Variants in TRPM3 observed in about 807,000 individuals in gnomAD.
The protein encoded by TRPM3 is transient receptor potential cation channel subfamily M member 3.
TRPM3 carries 77 observed loss-of-function variants against 181.2 expected under a neutral mutation model. The ratio of observed to expected loss-of-function variants is 0.42; its 90% CI spans 0.35 to 0.51. The LOEUF is 0.51. TRPM3 is among the 20% of genes least tolerant of loss of function. The pLI is 0.01. For missense variants in TRPM3, 1,759 were observed against 2,196.7 expected (o/e 0.80, Z 3.98); for synonymous variants, 745 against 796.4 (o/e 0.94, Z 1.09).
chr9:71,344,551 A>C (rs1481713351), intron 1 of TRPM3, among the ~76,000 whole-genome samples: 2 of 152,202 alleles, frequency 1.3e-5, no homozygotes, highest in Non-Finnish European at 2.9e-5. Flanking sequence ...ACCTAAAAAT[A>C]TCTCTCACAA....
In TRPM3 at chr9:70,625,065, T is replaced by G; in HGVS notation, c.1809+126A>C. On this transcript the variant is annotated intron_variant, in intron 14 of 25. Coordinates refer to ENST00000677713, the MANE Select transcript of TRPM3 (RefSeq NM_001366145.2). This position sits in a 1 kb window ranked among gnomAD's most constrained non-coding sequence, Gnocchi z 4.8. The stretch of plus-strand genomic sequence containing the variant: ...TTTGAATTTCATTACTTTTCTTTGA[T>G]TGTTTAGGTTCACTCTCAGCGCAAT... 3.0e-6 allele frequency: 3 copies of G among 989,044 alleles called. No homozygotes were observed. The highest frequency in any genetic ancestry group is 4.3e-6 in the Non-Finnish European group (3 of 705,166). The allele number at this position is 989,044 out of a possible 1,614,324, so 61.3% of individuals were successfully genotyped here.
At chr9:70,559,778 GC>G in intron 22 of TRPM3, among the ~76,000 whole-genome samples, 1 of 152,106 alleles carries the variant, frequency 6.6e-6, no homozygotes, top group Non-Finnish European at 1.5e-5. Context: ...AGCCCACATG[GC>G]CTGGCCAGTA....
chr9:71,128,375 A>C (rs1338806917), intron 1 of TRPM3, among the ~76,000 whole-genome samples: 1 of 152,214 alleles, frequency 6.6e-6, no homozygotes, highest in Non-Finnish European at 1.5e-5. Flanking sequence ...GCTAAAATAC[A>C]ACTTTATTCA....
intron 9 of TRPM3, among the ~76,000 whole-genome samples, chr9:70,669,872 G>T (rs1404304041): frequency 6.6e-6 from 1 of 151,846 alleles, no homozygotes; most frequent in Non-Finnish European, 1.5e-5. Context: ...GAGTAGCTGG[G>T]ACTACAGGTA....
At chr9:71,164,094 G>A (rs1173088119) in intron 1 of TRPM3, among the ~76,000 whole-genome samples, 1 of 152,090 alleles carries the variant, frequency 6.6e-6, no homozygotes, top group East Asian at 1.9e-4. Context: ...CATCCAAGGG[G>A]AGCTGTACAA....
chr9:70,770,947 A>G (rs747528887), intron 7 of TRPM3, among the ~76,000 whole-genome samples: 87 of 152,122 alleles, frequency 5.7e-4, no homozygotes, highest in Non-Finnish European at 3.1e-4. Context: ...TAATTCTATG[A>G]AATTCGGATG....
intron 1 of TRPM3, among the ~76,000 whole-genome samples, chr9:71,332,862 T>C (rs1371120759): frequency 1.3e-5 from 2 of 151,726 alleles, no homozygotes; most frequent in African/African-American, 4.9e-5. Context: ...GTGTGACAAC[T>C]TTTATGTAAT....
At chr9:71,171,215 C>T (rs2076836329) in intron 1 of TRPM3, among the ~76,000 whole-genome samples, 1 of 152,156 alleles carries the variant, frequency 6.6e-6, no homozygotes, top group South Asian at 2.1e-4. Flanking sequence ...GTGCCTGAAA[C>T]TTCATTAGCA....
In TRPM3 at chr9:71,416,238, T is replaced by C. The variant is rs574567066; in HGVS notation, c.183+30415A>G. Among the ~76,000 whole-genome samples the C allele has an allele frequency of 9.8e-4, 149 of 151,978 alleles. 2 individuals carry two copies. The highest frequency in any genetic ancestry group is 6.0e-3 in the South Asian group (29 of 4,834). On this transcript the variant is annotated intron_variant, in intron 1 of 24. Transcript: ENST00000357533. The stretch of plus-strand genomic sequence containing the variant: ...AGGTACTTAAGAGAACAGAGAAAAG[T>C]TAATCAATACGTTAGTATGTTTTTC...
intron 14 of TRPM3, among the ~76,000 whole-genome samples, chr9:70,621,921 C>A (rs1045159216): frequency 1.3e-5 from 2 of 152,148 alleles, no homozygotes; most frequent in East Asian, 3.8e-4. Flanking sequence ...CCTTCCATAA[C>A]CATCTTGTTT....
chr9:70,985,463 G>C (rs1295163129), intron 1 of TRPM3, among the ~76,000 whole-genome samples: 1 of 152,186 alleles, frequency 6.6e-6, no homozygotes, highest in Admixed American at 6.5e-5. Context: ...CCAGCCCTGG[G>C]TATGTATATT....
intron 1 of TRPM3, among the ~76,000 whole-genome samples, chr9:71,319,278 C>G (rs1366006749): frequency 6.6e-6 from 1 of 152,022 alleles, no homozygotes; most frequent in Non-Finnish European, 1.5e-5. Flanking sequence ...TCGTGTGGGA[C>G]TAAGAAGTTC....
intron 1 of TRPM3, among the ~76,000 whole-genome samples, chr9:71,391,503 T>G (rs976595307): frequency 6.6e-6 from 1 of 152,058 alleles, no homozygotes; most frequent in African/African-American, 2.4e-5. Context: ...ATTCTTCATA[T>G]GCCCAGATTA....
intron 1 of TRPM3, among the ~76,000 whole-genome samples, chr9:71,119,156 G>C (rs985688900): frequency 6.6e-6 from 1 of 152,074 alleles, no homozygotes. Flanking sequence ...TTAAGAGTTT[G>C]AAATGTGCTC....
chr9:71,358,578 T>C (rs1302747142), intron 1 of TRPM3, among the ~76,000 whole-genome samples: 1 of 152,150 alleles, frequency 6.6e-6, no homozygotes, highest in African/African-American at 2.4e-5. Context: ...CCTAAATGCC[T>C]ATCTATCAGC....
intron 1 of TRPM3, among the ~76,000 whole-genome samples, chr9:71,056,718 C>G (rs1238235616): frequency 6.6e-6 from 1 of 152,008 alleles, no homozygotes; most frequent in East Asian, 1.9e-4. Flanking sequence ...AGAAGATGGT[C>G]ATCTACAAAC....
chr9:70,651,560 C>A (rs1005039232), intron 9 of TRPM3, among the ~76,000 whole-genome samples: 1 of 152,094 alleles, frequency 6.6e-6, no homozygotes, highest in African/African-American at 2.4e-5. Flanking sequence ...CTGTTCCAGA[C>A]AAAGGAGAGA....
At chr9:71,221,635 G>T (rs1182508005) in intron 1 of TRPM3, among the ~76,000 whole-genome samples, 1 of 152,028 alleles carries the variant, frequency 6.6e-6, no homozygotes, top group Non-Finnish European at 1.5e-5. Context: ...CTGGCATATT[G>T]CATGGGGCCT....
intron 1 of TRPM3, among the ~76,000 whole-genome samples, chr9:71,254,149 T>C (rs2082526674): frequency 6.6e-6 from 1 of 152,072 alleles, no homozygotes; most frequent in African/African-American, 2.4e-5. Context: ...TGATCTCTTG[T>C]CCTTGTGATC....
Sources: gnomAD v4.1 joint callset for allele counts (sites outside exome capture counted in the v4.1 genomes callset) on GRCh38, gnomAD v4.1.1 for gene constraint, Gnocchi (gnomAD v3.1) non-coding constraint, MANE v1.5 for transcripts, NCBI Gene and HGNC (gene_info 2026-07-23, HGNC 2026-07-21) for gene names.